The following PLCB1 variants were observed in gnomAD, a reference collection of about 807,000 sequenced individuals.
PLCB1 encodes 1-phosphatidylinositol 4,5-bisphosphate phosphodiesterase beta-1.
In PLCB1, 46 loss-of-function variants were observed where a neutral mutation model predicts 161.8. That is an observed-to-expected ratio of 0.28 (90% CI 0.22 to 0.36). PLCB1 has a LOEUF of 0.36. Ranked by LOEUF, PLCB1 falls within the 10% of genes least tolerant of loss-of-function variation. PLCB1 has a pLI of 1.00. For synonymous variants in PLCB1, 517 were observed against 503.7 expected (o/e 1.03, Z -0.35); for missense variants, 1,016 against 1,472.5 (o/e 0.69, Z 5.07).
chr20:8,767,809 T>C (rs982554186), intron 26 of PLCB1, among the ~76,000 whole-genome samples: 1 of 152,222 alleles, frequency 6.6e-6, no homozygotes, highest in Non-Finnish European at 1.5e-5. Flanking sequence ...TTCCTAGGAT[T>C]GCTGTAAAAA....
intron 1 of PLCB1, among the ~76,000 whole-genome samples, chr20:8,141,497 C>A (rs2123014353): frequency 6.6e-6 from 1 of 151,922 alleles, no homozygotes; most frequent in South Asian, 2.1e-4. Context: ...GTGGTGCACA[C>A]CTGTAATCCC....
chr20:8,164,986 G>T (rs549452700), intron 2 of PLCB1, among the ~76,000 whole-genome samples: 1 of 152,296 alleles, frequency 6.6e-6, no homozygotes, highest in Non-Finnish European at 1.5e-5. Flanking sequence ...CAGGTGTTAA[G>T]GATCCAGCTA....
chr20:8,152,941 A>G (rs2051524434), intron 2 of PLCB1, among the ~76,000 whole-genome samples: 2 of 152,088 alleles, frequency 1.3e-5, no homozygotes, highest in Non-Finnish European at 2.9e-5. Flanking sequence ...TGTTCTATGC[A>G]TGTCCGTCTC....
intron 2 of PLCB1, among the ~76,000 whole-genome samples, chr20:8,200,680 A>G (rs750868769): frequency 5.9e-5 from 9 of 152,016 alleles, no homozygotes; most frequent in Non-Finnish European, 1.2e-4. Context: ...TAGAAAATTC[A>G]TAATCTATAC....
intron 31 of PLCB1, among the ~76,000 whole-genome samples, chr20:8,839,796 C>T (rs930061781): frequency 1.3e-5 from 2 of 150,278 alleles, no homozygotes; most frequent in Non-Finnish European, 2.9e-5. Flanking sequence ...TTTGGGAGGC[C>T]GAGGCAGGTG....
At chr20:8,599,440 TG>T (rs1987459982) in intron 3 of PLCB1, among the ~76,000 whole-genome samples, 1 of 147,846 alleles carries the variant, frequency 6.8e-6, no homozygotes, top group Admixed American at 6.7e-5. Context: ...CACTCTCTTC[TG>T]GCTTGTAGGG....
intron 3 of PLCB1, among the ~76,000 whole-genome samples, chr20:8,620,025 GA>G (rs1046376044): frequency 2.0e-5 from 3 of 152,176 alleles, no homozygotes; most frequent in Admixed American, 6.5e-5. Context: ...AACTAGCTTT[GA>G]AAATTAGGCA....
Position 8,789,381 on chromosome 20 carries a change from A to G in PLCB1, c.3279-137A>G, listed in dbSNP as rs1232519567. The G allele has an allele frequency of 2.3e-5, 15 of 662,430 alleles. No homozygotes were observed. The East Asian group carries it at 3.9e-4, about 17-fold the overall frequency. The allele number at this position is 662,430 out of a possible 1,614,324, so 41.0% of individuals were successfully genotyped here. A position where few individuals can be genotyped will look rare whatever the true frequency, so the allele number is the denominator to read the frequency against. On this transcript the variant is annotated intron_variant, in intron 29 of 31. Coordinates refer to ENST00000338037, the MANE Select transcript of PLCB1 (RefSeq NM_015192.4). ...GCAACAGAGCGAAACCTTGTCTCCAATAAATAAATAGATAAAAATAAGGAA... is the reference window on the plus strand; with the variant it reads ...GCAACAGAGCGAAACCTTGTCTCCAGTAAATAAATAGATAAAAATAAGGAA...
At chr20:8,700,987 C>A (rs1265739825) in intron 11 of PLCB1, among the ~76,000 whole-genome samples, 1 of 152,186 alleles carries the variant, frequency 6.6e-6, no homozygotes, top group African/African-American at 2.4e-5. Context: ...ACAAGTAAGT[C>A]TCCTAGCAAG....
At chr20:8,619,129 C>T (rs995215236) in intron 3 of PLCB1, among the ~76,000 whole-genome samples, 3 of 152,138 alleles carry the variant, frequency 2.0e-5, no homozygotes, top group Non-Finnish European at 4.4e-5. Flanking sequence ...CTCCTACAAT[C>T]ATTTATAATT....
chr20:8,594,834 C>T (rs1238849875), intron 3 of PLCB1, among the ~76,000 whole-genome samples: 1 of 152,178 alleles, frequency 6.6e-6, no homozygotes, highest in African/African-American at 2.4e-5. Flanking sequence ...ACACTAAGCA[C>T]ATCTCTAATT....
chr20:8,150,197 T>C, intron 1 of PLCB1, 97 bp from the exon 2 acceptor site: 1 of 502,924 alleles, frequency 2.0e-6, no homozygotes, highest in Non-Finnish European at 3.6e-6. Context: ...TTGACTACTT[T>C]GGAGAATCTG....
chr20:8,656,985 G>A (rs1167739183), intron 7 of PLCB1, among the ~76,000 whole-genome samples, 199 bp from the exon 8 acceptor site: 1 of 151,944 alleles, frequency 6.6e-6, no homozygotes, highest in African/African-American at 2.4e-5. Context: ...TGAACGCTAC[G>A]GTTGACCTCA....
intron 31 of PLCB1, among the ~76,000 whole-genome samples, chr20:8,841,805 C>A (rs1312519164): frequency 1.3e-5 from 2 of 152,356 alleles, no homozygotes; most frequent in East Asian, 3.9e-4. Flanking sequence ...TCTCAATGGA[C>A]TCTGAGCGCA....
intron 3 of PLCB1, among the ~76,000 whole-genome samples, chr20:8,455,331 A>C (rs2122662965): frequency 6.6e-6 from 1 of 151,140 alleles, no homozygotes; most frequent in African/African-American, 2.4e-5. Context: ...TCCATCACAA[A>C]AAAAAAAAAA....
At chr20:8,216,599 C>A (rs775030167) in intron 2 of PLCB1, among the ~76,000 whole-genome samples, 1 of 152,010 alleles carries the variant, frequency 6.6e-6, no homozygotes, top group Non-Finnish European at 1.5e-5. Context: ...GAAACCTGAT[C>A]GTGACTCATG....
chr20:8,845,063 G>A (rs1355877382), intron 31 of PLCB1, among the ~76,000 whole-genome samples: 11 of 151,736 alleles, frequency 7.2e-5, no homozygotes, highest in African/African-American at 2.2e-4. Context: ...GCAGTGAGCC[G>A]AGATCACGCC....
At chr20:8,301,904 T>C (rs1011531221) in intron 2 of PLCB1, among the ~76,000 whole-genome samples, 2 of 152,238 alleles carry the variant, frequency 1.3e-5, no homozygotes, top group Admixed American at 1.3e-4. Context: ...ACTGCCTTGA[T>C]TCAAGTCTTG....
intron 2 of PLCB1, among the ~76,000 whole-genome samples, chr20:8,351,839 C>T (rs1165062095): frequency 6.6e-6 from 1 of 152,010 alleles, no homozygotes; most frequent in Non-Finnish European, 1.5e-5. Flanking sequence ...ATTGATGATA[C>T]TAAGTGTTGG....
Sources: allele counts gnomAD v4.1 joint callset (sites outside exome capture counted in the v4.1 genomes callset), GRCh38; gene constraint gnomAD v4.1.1; transcripts MANE v1.5; gene names NCBI Gene and HGNC (gene_info 2026-07-23, HGNC 2026-07-21).